Variants in DPPA2 observed in about 807,000 individuals in gnomAD.
DPPA2 encodes developmental pluripotency-associated protein 2.
In DPPA2, 26 loss-of-function variants were observed where a neutral mutation model predicts 36.2. The ratio of observed to expected loss-of-function variants is 0.72; its 90% CI spans 0.53 to 1.00. The LOEUF is 1.00. Among genes scored for constraint, DPPA2 ranks in the 50% least tolerant of loss-of-function variants. DPPA2 has a pLI of 0.00. For synonymous variants in DPPA2, 113 were observed against 123.2 expected, an observed-to-expected ratio of 0.92 and a Z score of 0.55; for missense variants, 361 against 365.1, an observed-to-expected ratio of 0.99 and a Z score of 0.09.
chr3:109,312,606 C>T lies in DPPA2; in HGVS notation c.120G>A (p.Met40Ile), dbSNP rs368412698. The change falls in exon 3 of 9, where the codon ATG (methionine) becomes ATA (isoleucine). Residue 40 changes from methionine to isoleucine, a missense_variant. Physicochemically the swap from Met to Ile is conservative, Grantham distance 10 (BLOSUM62 1). Coordinates refer to ENST00000478945, the MANE Select transcript of DPPA2 (RefSeq NM_138815.4). ...CAGAAGTTGAAGAAACGCTTGGTTC[C>T]ATTTGTTCCATATTTGCGTCATCTT... Reference protein sequence around the residue: ...PVKDDANMEQMEPSVSSTSDV... With the variant: ...PVKDDANMEQIEPSVSSTSDV... 117 of 1,613,750 alleles carry T rather than the reference C, an allele frequency of 7.3e-5. No individual in the cohort carries two copies. Among genetic ancestry groups the T allele is most frequent in the Non-Finnish European group, 7.9e-5 (93 of 1,179,840 alleles).
chr3:109,304,822 TA>T, intron 6 of DPPA2, 152 bp from the exon 7 acceptor site: 1 of 780,572 alleles, frequency 1.3e-6, no homozygotes. Flanking sequence ...CACTATGATC[TA>T]ATTTCACAAG....
intron 6 of DPPA2, among the ~76,000 whole-genome samples, chr3:109,306,238 A>G (rs558594013): frequency 1.3e-5 from 2 of 152,332 alleles, no homozygotes; most frequent in South Asian, 2.1e-4. Flanking sequence ...ATATAAAATG[A>G]TAAGTCACTG....
chr3:109,304,356 T>C, intron 7 of DPPA2, 119 bp downstream of exon 7: 4 of 1,049,266 alleles, frequency 3.8e-6, no homozygotes, highest in Non-Finnish European at 2.7e-6. Flanking sequence ...GCCTGATCTA[T>C]GTGGCAAATT....
chr3:109,308,976 G>A (rs775903324), intron 5 of DPPA2, 50 bp downstream of exon 5: 94 of 1,609,542 alleles, frequency 5.8e-5, no homozygotes, highest in Middle Eastern at 1.7e-4. Context: ...GGGACCGGAC[G>A]AATCATGATC....
intron 3 of DPPA2, among the ~76,000 whole-genome samples, chr3:109,311,154 C>T (rs1352646053): frequency 6.6e-6 from 1 of 152,180 alleles, no homozygotes; most frequent in African/African-American, 2.4e-5. Flanking sequence ...CTACATATAG[C>T]AGCCTGTTAT....
chr3:109,303,560 G>T (rs1044338103), intron 7 of DPPA2, among the ~76,000 whole-genome samples: 3 of 151,532 alleles, frequency 2.0e-5, no homozygotes, highest in African/African-American at 7.3e-5. Context: ...GTAGAGACGG[G>T]GTTTCTCCAT....
intron 8 of DPPA2, among the ~76,000 whole-genome samples, chr3:109,298,094 GA>G (rs1707384722): frequency 6.6e-6 from 1 of 152,022 alleles, no homozygotes; most frequent in African/African-American, 2.4e-5. Context: ...CTGGGTGACT[GA>G]GCAAAAAGAT....
At position 109,309,189 on chromosome 3, in the gene DPPA2, C is replaced by T. The variant is rs1024291303; in HGVS notation, c.323G>A (p.Gly108Asp). Reference protein sequence around the residue: ...DTLRDWCQQLGLSTNGKKIEV... With the variant: ...DTLRDWCQQLDLSTNGKKIEV... ...ACTAACCTTGCCATTAGTACTCAAA[C>T]CGAGTTGTTGACACCAGTCCCGCAA... The change falls in exon 4 of 9, where the codon GGT becomes GAT. Residue 108 changes from glycine (G) to aspartate (D), a missense_variant. Coordinates refer to ENST00000478945, the MANE Select transcript of DPPA2 (RefSeq NM_138815.4). The T allele has an allele frequency of 6.2e-7, 1 of 1,614,156 alleles. No homozygotes were observed. The highest frequency in any genetic ancestry group is 1.7e-5 in the Admixed American group (1 of 59,992).
Position 109,308,205 on chromosome 3 carries a change from C to T in DPPA2, c.485G>A (p.Ser162Asn), listed in dbSNP as rs765644749. The T allele has an allele frequency of 3.7e-6, 6 of 1,614,094 alleles. No homozygotes were observed. Among genetic ancestry groups the T allele is most frequent in the Non-Finnish European group, 4.2e-6 (5 of 1,180,048 alleles). Residue 162 changes from serine (S) to asparagine (N), a missense_variant, in exon 6 of 9, where the codon AGT becomes AAT. Coordinates refer to ENST00000478945, the MANE Select transcript of DPPA2 (RefSeq NM_138815.4). ...TTCTGCTCTCTCATTCATCTCATAA[C>T]TTCTCTGAAGCCTTGCTCTCTTGGT... Reference protein sequence around the residue: ...AVTKRARLQRSYEMNERAEET... With the variant: ...AVTKRARLQRNYEMNERAEET...
chr3:109,310,634 T>A (rs373582260), intron 3 of DPPA2, among the ~76,000 whole-genome samples: 1 of 150,524 alleles, frequency 6.6e-6, no homozygotes. Flanking sequence ...GCCTCCCGAG[T>A]AGGTGGGACT....
At chr3:109,301,114 G>C (rs1304373243) in intron 7 of DPPA2, among the ~76,000 whole-genome samples, 1 of 151,250 alleles carries the variant, frequency 6.6e-6, no homozygotes, top group African/African-American at 2.4e-5. Context: ...CTCCCCAGTA[G>C]TTGGGACCAC....
intron 8 of DPPA2, among the ~76,000 whole-genome samples, chr3:109,294,704 G>A (rs564691537): frequency 6.6e-5 from 10 of 152,190 alleles, no homozygotes; most frequent in Non-Finnish European, 1.5e-4. Flanking sequence ...TACTAAATTA[G>A]CCTTCATTCA....
chr3:109,316,110 G>A (rs1306213929), intron 1 of DPPA2, among the ~76,000 whole-genome samples, 174 bp downstream of exon 1: 1 of 152,014 alleles, frequency 6.6e-6, no homozygotes, highest in Non-Finnish European at 1.5e-5. Flanking sequence ...CCAGGCTGGA[G>A]TGCGGTGGCG....
chr3:109,314,377 A>G lies in DPPA2; in HGVS notation c.33+133T>C, dbSNP rs562244434. On this transcript the variant is annotated intron_variant, in intron 2 of 8. Coordinates refer to ENST00000478945, the MANE Select transcript of DPPA2 (RefSeq NM_138815.4). ...AAAACTAACAATCTATTTGCAAAGA[A>G]GAGGAGGTTTCAAGATGGAGATTTC... 11 of 880,524 alleles carry G rather than the reference A, an allele frequency of 1.2e-5. No homozygotes were observed. The South Asian group carries it at 2.9e-4, about 24-fold the overall frequency. 54.5% of individuals were successfully genotyped at this position (880,524 alleles called of 1,614,324 possible).
intron 7 of DPPA2, among the ~76,000 whole-genome samples, chr3:109,302,141 G>A (rs1366097391): frequency 6.6e-6 from 1 of 152,068 alleles, no homozygotes; most frequent in Non-Finnish European, 1.5e-5. Context: ...ATTATCTTTA[G>A]GGTTCCTCCC....
At position 109,314,626 on chromosome 3, in the gene DPPA2, TA is replaced by T. The variant is rs1707760627; in HGVS notation, c.-13-72del. The T allele has an allele frequency of 3.5e-6, 5 of 1,429,898 alleles. No homozygotes were observed. In the South Asian group the frequency reaches 5.6e-5, roughly 16 times the overall value. 88.6% of individuals were successfully genotyped at this position (1,429,898 alleles called of 1,614,324 possible). A position where few individuals can be genotyped will look rare whatever the true frequency, so the allele number is the denominator to read the frequency against. The stretch of plus-strand genomic sequence containing the variant: ...TCTCTTAACCTGCTTTCTCCTTTTA[TA>T]AGCAAATGTTTCCTTCTACTTCCTG... On this transcript the variant is annotated intron_variant, in intron 1 of 8. Transcript: ENST00000478945.
intron 5 of DPPA2, 28 bp from the exon 6 acceptor site, chr3:109,308,321 C>T (rs779852009): frequency 6.2e-7 from 1 of 1,611,066 alleles, no homozygotes; most frequent in Non-Finnish European, 8.5e-7. Context: ...GATGAGTATT[C>T]AGTAAACCGC....
chr3:109,294,748 G>A (rs781528253), intron 8 of DPPA2, among the ~76,000 whole-genome samples: 37 of 152,274 alleles, frequency 2.4e-4, no homozygotes, highest in Non-Finnish European at 4.7e-4. Context: ...TATTAGCTGG[G>A]CGCGGCGGCT....
intron 7 of DPPA2, among the ~76,000 whole-genome samples, chr3:109,301,721 CGA>C (rs900985315): frequency 9.2e-5 from 14 of 151,400 alleles, no homozygotes; most frequent in African/African-American, 3.4e-4. Context: ...GGAAGAATGA[CGA>C]GAGTCAGTGA....
Sources: gnomAD v4.1 joint callset for allele counts (sites outside exome capture counted in the v4.1 genomes callset) on GRCh38, gnomAD v4.1.1 for gene constraint, MANE v1.5 for transcripts, NCBI Gene and HGNC (gene_info 2026-07-23, HGNC 2026-07-21) for gene names.